The following PDE11A variants were observed in gnomAD, a reference collection of about 807,000 sequenced individuals.
PDE11A encodes the protein dual 3',5'-cyclic-AMP and -GMP phosphodiesterase 11A.
A neutral mutation model predicts 100.5 loss-of-function variants in PDE11A; 100 were observed. That is an observed-to-expected ratio of 1.00 (90% confidence interval 0.85 to 1.18). The LOEUF is 1.18. Ranked by LOEUF, PDE11A falls within the 50% of genes most tolerant of loss-of-function variation. PDE11A has a pLI of 0.00. For missense variants in PDE11A, 1,141 were observed against 1,152.6 expected (o/e 0.99, Z 0.15); for synonymous variants, 381 against 420.8 (o/e 0.91, Z 1.16).
At chr2:177,916,381 T>G (rs985043131) in intron 2 of PDE11A, among the ~76,000 whole-genome samples, 2 of 152,212 alleles carry the variant, frequency 1.3e-5, no homozygotes, top group Non-Finnish European at 2.9e-5. Flanking sequence ...ACGAATTCCC[T>G]CTGCCTCTGA....
At chr2:178,090,624 T>C (rs2087411634) in intron 2 of PDE11A, among the ~76,000 whole-genome samples, 1 of 152,184 alleles carries the variant, frequency 6.6e-6, no homozygotes, top group South Asian at 2.1e-4. Flanking sequence ...AAATCCAAAC[T>C]GTAATTATAA....
At chr2:177,947,357 G>C (rs188698371) in intron 2 of PDE11A, among the ~76,000 whole-genome samples, 1 of 150,756 alleles carries the variant, frequency 6.6e-6, no homozygotes, top group African/African-American at 2.4e-5. Flanking sequence ...TTGAGAAATC[G>C]GATGGTTGCC....
intron 4 of PDE11A, among the ~76,000 whole-genome samples, chr2:177,885,440 T>C (rs2084415685): frequency 6.6e-6 from 1 of 152,168 alleles, no homozygotes. Context: ...TGCGCTGTCC[T>C]GGAACCAATA....
chr2:177,829,919 G>A (rs569512943), intron 6 of PDE11A, among the ~76,000 whole-genome samples: 6 of 152,228 alleles, frequency 3.9e-5, no homozygotes, highest in South Asian at 4.1e-4. Flanking sequence ...TGGCAAAGAC[G>A]ATGGGATAAT....
At chr2:177,709,862 G>T (rs1409011642) in intron 13 of PDE11A, among the ~76,000 whole-genome samples, 1 of 152,150 alleles carries the variant, frequency 6.6e-6, no homozygotes, top group African/African-American at 2.4e-5. Context: ...AGAAAAGGGG[G>T]CCACGGGTGT....
At chr2:177,704,111 C>T (rs1390291188) in intron 13 of PDE11A, among the ~76,000 whole-genome samples, 2 of 152,132 alleles carry the variant, frequency 1.3e-5, no homozygotes, top group African/African-American at 4.8e-5. Flanking sequence ...TTCATTCATT[C>T]ATCTATCATT....
chr2:177,904,556 CT>C (rs11333208), intron 3 of PDE11A, among the ~76,000 whole-genome samples: 39,344 of 132,790 alleles, frequency 0.3, 5,066 homozygotes, highest in African/African-American at 0.35. Flanking sequence ...TATTAATCTC[CT>C]TTTTTTTTTT....
At chr2:178,007,445 A>G (rs2086225079) in intron 2 of PDE11A, among the ~76,000 whole-genome samples, 1 of 152,228 alleles carries the variant, frequency 6.6e-6, no homozygotes, top group African/African-American at 2.4e-5. Context: ...CATAAAACAC[A>G]AACAAATTGG....
intron 4 of PDE11A, among the ~76,000 whole-genome samples, chr2:177,897,327 C>G (rs896992066): frequency 2.6e-5 from 4 of 152,200 alleles, no homozygotes; most frequent in African/African-American, 9.7e-5. Flanking sequence ...AAGGGCTTAA[C>G]AAAACCAGAA....
intron 1 of PDE11A, among the ~76,000 whole-genome samples, chr2:178,030,432 G>A (rs2086530970): frequency 6.6e-6 from 1 of 152,140 alleles, no homozygotes; most frequent in Non-Finnish European, 1.5e-5. Flanking sequence ...CTCAGATCCA[G>A]ATAGATTTCT....
chr2:177,791,243 T>C (rs994080182), intron 9 of PDE11A, among the ~76,000 whole-genome samples: 2 of 151,964 alleles, frequency 1.3e-5, no homozygotes, highest in African/African-American at 4.8e-5. Context: ...TGTAGGGACA[T>C]GGATGAAATT....
intron 19 of PDE11A, among the ~76,000 whole-genome samples, chr2:177,661,674 C>CT (rs374113452): frequency 2.2e-4 from 34 of 152,218 alleles, no homozygotes; most frequent in African/African-American, 7.9e-4. Context: ...ATAATGAGAT[C>CT]TTTTTTTACT....
At chr2:177,816,950 C>T (rs1000999535) in intron 8 of PDE11A, 29 bp from the exon 9 acceptor site, 2 of 1,354,058 alleles carry the variant, frequency 1.5e-6, no homozygotes, top group African/African-American at 1.4e-5. Flanking sequence ...GCTAATTAAA[C>T]ATTGCAGCAA....
chr2:177,931,913 A>T (rs2085211718), intron 2 of PDE11A, among the ~76,000 whole-genome samples: 3 of 101,146 alleles, frequency 3.0e-5, no homozygotes. Context: ...TAGATTAACA[A>T]AAAAAAAAAA....
intron 19 of PDE11A, among the ~76,000 whole-genome samples, chr2:177,659,884 C>G (rs2080449785): frequency 6.6e-6 from 1 of 152,076 alleles, no homozygotes; most frequent in Non-Finnish European, 1.5e-5. Flanking sequence ...CAATGTATTC[C>G]TTCGAGATAC....
intron 19 of PDE11A, among the ~76,000 whole-genome samples, chr2:177,662,223 T>C (rs1375286775): frequency 2.0e-5 from 3 of 152,140 alleles, no homozygotes; most frequent in Non-Finnish European, 4.4e-5. Context: ...TGGAAAACCA[T>C]ATGAGGATCC....
intron 5 of PDE11A, among the ~76,000 whole-genome samples, chr2:177,854,066 T>C (rs2083785168): frequency 6.6e-6 from 1 of 151,720 alleles, no homozygotes; most frequent in Non-Finnish European, 1.5e-5. Context: ...CAGTCAAACA[T>C]AAAAACCAAC....
intron 1 of PDE11A, chr2:178,105,702 TG>T: frequency 2.0e-6 from 2 of 998,940 alleles, no homozygotes; most frequent in Non-Finnish European, 2.8e-6. Flanking sequence ...ATGTGGAACC[TG>T]ATGGCATAGG....
chr2:177,828,443 A>G (rs1425389634), intron 6 of PDE11A, among the ~76,000 whole-genome samples: 1 of 152,206 alleles, frequency 6.6e-6, no homozygotes, highest in Non-Finnish European at 1.5e-5. Context: ...ACCTTCATAG[A>G]GCTTACATTT....
Sources: gnomAD v4.1 joint callset for allele counts (sites outside exome capture counted in the v4.1 genomes callset) on GRCh38, gnomAD v4.1.1 for gene constraint, MANE v1.5 for transcripts, NCBI Gene and HGNC (gene_info 2026-07-23, HGNC 2026-07-21) for gene names.